LTBP1: variants seen among roughly 807,000 people sequenced by gnomAD.
LTBP1 encodes the protein latent transforming growth factor beta binding protein 1, also known as latent-transforming growth factor beta-binding protein 1.
LTBP1 carries 129 observed loss-of-function variants against 207.6 expected under a neutral mutation model. The ratio of observed to expected loss-of-function variants is 0.62; its 90% CI spans 0.54 to 0.72. The LOEUF (loss-of-function observed/expected upper bound fraction) is 0.72, where lower values mean the gene tolerates loss of function less well. Ranked by LOEUF, LTBP1 falls within the 30% of genes least tolerant of loss-of-function variation. The pLI is 0.00. For missense variants in LTBP1, 2,281 were observed against 2,217.2 expected (o/e 1.03, Z -0.58); for synonymous variants, 963 against 833.7 (o/e 1.16, Z -2.67).
chr2:33,273,840 AT>A (rs2093369749), intron 16 of LTBP1, 59 bp downstream of exon 16: 15 of 1,460,774 alleles, frequency 1.0e-5, no homozygotes, highest in South Asian at 1.0e-4. Flanking sequence ...CATTAAGAAC[AT>A]TTTTTTCTTA....
At chr2:32,997,484 A>G (rs923475271) in intron 2 of LTBP1, among the ~76,000 whole-genome samples, 2 of 152,194 alleles carry the variant, frequency 1.3e-5, no homozygotes, top group African/African-American at 2.4e-5. Flanking sequence ...AGCCTGGCCA[A>G]CAGAGTGAGA....
At chr2:33,381,319 A>T (rs2095212009) in intron 31 of LTBP1, among the ~76,000 whole-genome samples, 1 of 152,196 alleles carries the variant, frequency 6.6e-6, no homozygotes. Flanking sequence ...ATTTCTACCC[A>T]ACAAATCTCT....
intron 3 of LTBP1, among the ~76,000 whole-genome samples, chr2:33,035,907 T>C (rs2149358975): frequency 6.6e-6 from 1 of 152,372 alleles, no homozygotes; most frequent in African/African-American, 2.4e-5. Flanking sequence ...GTCATTATCT[T>C]AGAGGCTCTT....
chr2:33,131,517 G>A (rs2081791087), intron 4 of LTBP1, among the ~76,000 whole-genome samples: 1 of 152,228 alleles, frequency 6.6e-6, no homozygotes. Context: ...TCCTGTTAGA[G>A]CTCTGGATAA....
Position 33,056,409 on chromosome 2 carries a change from T to C in LTBP1, c.863+35203T>C, listed in dbSNP as rs540883625. On this transcript the variant is annotated intron_variant, in intron 3 of 33. Coordinates refer to ENST00000404816, the MANE Select transcript of LTBP1 (RefSeq NM_206943.4). ...CTGGATGTTAGGCAAAATGCCGCCC[T>C]GGGCGATGGTGACTTTGCCCAGCAG... The C allele has an allele frequency of 8.5e-5, 95 of 1,121,866 alleles. 1 individual carries two copies. In the South Asian group the frequency reaches 2.4e-3, roughly 28 times the overall value. 69.5% of individuals were successfully genotyped at this position (1,121,866 alleles called of 1,614,324 possible).
intron 31 of LTBP1, among the ~76,000 whole-genome samples, chr2:33,379,215 T>C (rs1449483240): frequency 6.9e-6 from 1 of 145,026 alleles, no homozygotes; most frequent in Non-Finnish European, 1.5e-5. Flanking sequence ...TTTTTTTTTT[T>C]TTTTCTTTTT....
chr2:33,388,610 G>A (rs1003176399), intron 31 of LTBP1, among the ~76,000 whole-genome samples: 3 of 152,130 alleles, frequency 2.0e-5, no homozygotes, highest in African/African-American at 7.2e-5. Flanking sequence ...CACTACCACG[G>A]CTGTTCTTAT....
At chr2:33,240,312 C>T (rs2092265780) in intron 9 of LTBP1, among the ~76,000 whole-genome samples, 1 of 152,240 alleles carries the variant, frequency 6.6e-6, no homozygotes, top group African/African-American at 2.4e-5. Context: ...TCTGGTTTAC[C>T]ATTCACCTAT....
chr2:33,392,891 TA>T (rs1339910534), intron 32 of LTBP1, among the ~76,000 whole-genome samples: 1 of 151,436 alleles, frequency 6.6e-6, no homozygotes, highest in African/African-American at 2.4e-5. Flanking sequence ...TTTTTTTTTT[TA>T]AATTGGGGTC....
intron 9 of LTBP1, among the ~76,000 whole-genome samples, chr2:33,236,190 T>C (rs2092040255): frequency 6.6e-6 from 1 of 152,242 alleles, no homozygotes; most frequent in Non-Finnish European, 1.5e-5. Context: ...TAGAAATGTT[T>C]AATATTCCTT....
At chr2:33,393,759 C>T (rs1199547100) in intron 32 of LTBP1, among the ~76,000 whole-genome samples, 1 of 152,160 alleles carries the variant, frequency 6.6e-6, no homozygotes, top group Non-Finnish European at 1.5e-5. Flanking sequence ...CATACATGTG[C>T]ATGTGTCTTT....
chr2:33,010,807 C>T (rs530899024), intron 2 of LTBP1, among the ~76,000 whole-genome samples: 1 of 150,786 alleles, frequency 6.6e-6, no homozygotes, highest in African/African-American at 2.4e-5. Flanking sequence ...GCAACCTCTG[C>T]CTCCTGGGTT....
At chr2:33,336,834 G>GA (rs1311817187) in intron 24 of LTBP1, among the ~76,000 whole-genome samples, 2 of 151,972 alleles carry the variant, frequency 1.3e-5, no homozygotes, top group Admixed American at 6.6e-5. Context: ...GAATATATCT[G>GA]AAAAAAGAGC....
chr2:33,010,666 A>G (rs560469050), intron 2 of LTBP1, among the ~76,000 whole-genome samples: 4 of 152,176 alleles, frequency 2.6e-5, no homozygotes, highest in African/African-American at 9.7e-5. Context: ...TATCAATTAA[A>G]AAAAGTTTTT....
chr2:32,971,814 C>T (rs1180397348), intron 2 of LTBP1, among the ~76,000 whole-genome samples: 3 of 152,056 alleles, frequency 2.0e-5, no homozygotes, highest in African/African-American at 4.8e-5. Context: ...ATGCTGGCCT[C>T]GTAGAATGAG....
intron 5 of LTBP1, among the ~76,000 whole-genome samples, chr2:33,157,523 C>T (rs2084065973): frequency 6.6e-6 from 1 of 152,008 alleles, no homozygotes; most frequent in African/African-American, 2.4e-5. Flanking sequence ...AAATTGAGAC[C>T]CAGACAGGGA....
chr2:33,220,054 A>G (rs534735139), intron 8 of LTBP1, among the ~76,000 whole-genome samples: 1 of 152,310 alleles, frequency 6.6e-6, no homozygotes, highest in African/African-American at 2.4e-5. Context: ...AAAAAAATCC[A>G]TATGTTGGCT....
chr2:33,042,001 C>T (rs1228547492), intron 3 of LTBP1, among the ~76,000 whole-genome samples: 1 of 152,196 alleles, frequency 6.6e-6, no homozygotes, highest in Non-Finnish European at 1.5e-5. Context: ...ACATCCTCAT[C>T]AGCACTTAGT....
intron 23 of LTBP1, among the ~76,000 whole-genome samples, chr2:33,311,058 G>A (rs965764416): frequency 1.3e-5 from 2 of 152,080 alleles, no homozygotes; most frequent in African/African-American, 2.4e-5. Flanking sequence ...ATTGCCATAA[G>A]TTATATCTCA....
Sources: gnomAD v4.1 joint callset for allele counts (sites outside exome capture counted in the v4.1 genomes callset) on GRCh38, gnomAD v4.1.1 for gene constraint, MANE v1.5 for transcripts, NCBI Gene and HGNC (gene_info 2026-07-23, HGNC 2026-07-21) for gene names.